MMP16: variants seen among roughly 807,000 people sequenced by gnomAD.
MMP16 encodes matrix metalloproteinase-16.
MMP16 carries 12 observed loss-of-function variants against 67.8 expected under a neutral mutation model. The ratio of observed to expected loss-of-function variants is 0.18; its 90% CI spans 0.11 to 0.29. The LOEUF is 0.29. Among genes scored for constraint, MMP16 ranks in the 10% least tolerant of loss-of-function variants. The probability of loss-of-function intolerance (pLI) is 1.00; values close to 1 mark genes in which losing one functional copy is unlikely to be tolerated. For synonymous variants in MMP16, 249 were observed against 255.9 expected (o/e 0.97, Z 0.26); for missense variants, 475 against 765.7 (o/e 0.62, Z 4.48).
chr8:88,050,681 T>C (rs1389722666), intron 8 of MMP16, among the ~76,000 whole-genome samples: 1 of 152,246 alleles, frequency 6.6e-6, no homozygotes, highest in African/African-American at 2.4e-5. Flanking sequence ...TCACATTTAC[T>C]GTGTTTGAAT....
chr8:88,093,527 G>C (rs1399574121), intron 6 of MMP16, among the ~76,000 whole-genome samples: 1 of 151,780 alleles, frequency 6.6e-6, no homozygotes, highest in African/African-American at 2.4e-5. Flanking sequence ...GAACTGGCCA[G>C]CCACCTTCCT....
intron 6 of MMP16, among the ~76,000 whole-genome samples, chr8:88,102,497 G>A (rs1034635516): frequency 1.3e-5 from 2 of 151,708 alleles, no homozygotes; most frequent in Non-Finnish European, 2.9e-5. Context: ...CTATTTAGAA[G>A]CTCTCCAAAC....
chr8:88,213,710 C>A (rs1265730576), intron 1 of MMP16, among the ~76,000 whole-genome samples: 2 of 152,106 alleles, frequency 1.3e-5, no homozygotes, highest in Admixed American at 1.3e-4. Context: ...GAGCCTATGG[C>A]CCTGAGGCTA....
intron 6 of MMP16, among the ~76,000 whole-genome samples, chr8:88,097,971 G>A (rs188419158): frequency 3.3e-3 from 494 of 151,938 alleles, no homozygotes; most frequent in Non-Finnish European, 5.4e-3. Flanking sequence ...TGACACCAAC[G>A]GCGAGGAGTC....
intron 1 of MMP16, among the ~76,000 whole-genome samples, chr8:88,292,443 C>G (rs535885763): frequency 6.6e-6 from 1 of 152,124 alleles, no homozygotes; most frequent in Non-Finnish European, 1.5e-5. Flanking sequence ...GAGGGGCCCT[C>G]GCCACTAGGT....
At chr8:88,187,484 A>C (rs1016585910) in intron 2 of MMP16, among the ~76,000 whole-genome samples, 3 of 152,152 alleles carry the variant, frequency 2.0e-5, no homozygotes, top group African/African-American at 4.8e-5. Flanking sequence ...TTATTTTAAT[A>C]ATTACAAAGG....
At chr8:88,118,643 A>G in intron 5 of MMP16, 57 bp downstream of exon 5, 4 of 1,485,074 alleles carry the variant, frequency 2.7e-6, no homozygotes, top group Non-Finnish European at 1.9e-6. Flanking sequence ...AAGAAAACAC[A>G]GCAGAAATTC....
At chr8:88,294,300 AT>A (rs1810971662) in intron 1 of MMP16, among the ~76,000 whole-genome samples, 1 of 151,002 alleles carries the variant, frequency 6.6e-6, no homozygotes, top group African/African-American at 2.4e-5. Flanking sequence ...ATATGTATAT[AT>A]GTATATATGT....
intron 1 of MMP16, among the ~76,000 whole-genome samples, chr8:88,286,580 ATTT>A (rs34642278): frequency 6.7e-6 from 1 of 148,998 alleles, no homozygotes; most frequent in African/African-American, 2.5e-5. Flanking sequence ...CTGGAACTCA[ATTT>A]TTTTTTTTTT....
chr8:88,097,094 G>A (rs1265855026), intron 6 of MMP16, among the ~76,000 whole-genome samples: 2 of 151,844 alleles, frequency 1.3e-5, no homozygotes, highest in African/African-American at 4.8e-5. Flanking sequence ...AATATTCGAT[G>A]TCACCTGTAA....
intron 6 of MMP16, among the ~76,000 whole-genome samples, chr8:88,098,645 C>T (rs1219580391): frequency 2.6e-5 from 4 of 152,010 alleles, no homozygotes; most frequent in African/African-American, 9.6e-5. Context: ...ACTAATTACA[C>T]AGTTGGAAAT....
In MMP16 at chr8:88,167,922, A is replaced by G; in HGVS notation, c.456T>C (p.Ile152=). 2 of 1,613,886 alleles carry G rather than the reference A, an allele frequency of 1.2e-6. No individual in the cohort carries two copies. Among genetic ancestry groups the G allele is most frequent in the Admixed American group, 1.7e-5 (1 of 59,942 alleles). ...TCTGCCACACATCAAAGGCACGGCGAATAGCTTTACGAGTCTCAGGGTCTC... is the reference window on the plus strand; with the variant it reads ...TCTGCCACACATCAAAGGCACGGCGGATAGCTTTACGAGTCTCAGGGTCTC... ...KVGDPETRKA[I]RRAFDVWQNV... is the part of the protein sequence containing the mutation. The change falls in exon 4 of 10, where the codon ATT becomes ATC. Residue 152 remains isoleucine (I), a synonymous_variant. Transcript: ENST00000286614.
intron 4 of MMP16, among the ~76,000 whole-genome samples, chr8:88,142,728 G>T (rs1389575580): frequency 6.6e-6 from 1 of 152,018 alleles, no homozygotes; most frequent in Non-Finnish European, 1.5e-5. Context: ...TTATTTACCA[G>T]GTATTGAAGT....
chr8:88,154,709 G>A (rs1225944884), intron 4 of MMP16, among the ~76,000 whole-genome samples: 2 of 146,660 alleles, frequency 1.4e-5, no homozygotes, highest in Non-Finnish European at 3.0e-5. Context: ...ACACTCTGGG[G>A]ACTGTGGTGG....
At chr8:88,250,144 T>C (rs965820070) in intron 1 of MMP16, among the ~76,000 whole-genome samples, 1 of 152,030 alleles carries the variant, frequency 6.6e-6, no homozygotes, top group Non-Finnish European at 1.5e-5. Flanking sequence ...TCTTAATATC[T>C]TGCCTAAACA....
intron 1 of MMP16, among the ~76,000 whole-genome samples, chr8:88,218,699 T>C (rs1308077012): frequency 6.6e-6 from 1 of 152,012 alleles, no homozygotes; most frequent in African/African-American, 2.4e-5. Context: ...CAGGCAATAT[T>C]AATGATGCCT....
intron 1 of MMP16, among the ~76,000 whole-genome samples, chr8:88,260,807 G>T (rs111786556): frequency 1.3e-5 from 2 of 152,086 alleles, no homozygotes; most frequent in African/African-American, 2.4e-5. Flanking sequence ...TTAATGAATT[G>T]TGTTATGTTT....
intron 1 of MMP16, among the ~76,000 whole-genome samples, chr8:88,256,884 T>C (rs1416477129): frequency 6.6e-6 from 1 of 152,188 alleles, no homozygotes; most frequent in Non-Finnish European, 1.5e-5. Context: ...TTTCAGAGCC[T>C]ATTTAAGCAA....
intron 3 of MMP16, among the ~76,000 whole-genome samples, chr8:88,184,847 A>C (rs758852552): frequency 6.6e-6 from 1 of 151,422 alleles, no homozygotes; most frequent in Non-Finnish European, 1.5e-5. Flanking sequence ...TTATAGAAAA[A>C]GGGTCACCAG....
Sources: gnomAD v4.1 joint callset for allele counts (sites outside exome capture counted in the v4.1 genomes callset) on GRCh38, gnomAD v4.1.1 for gene constraint, MANE v1.5 for transcripts, NCBI Gene and HGNC (gene_info 2026-07-23, HGNC 2026-07-21) for gene names.